R3HDM2: variants seen among roughly 807,000 people sequenced by gnomAD.
R3HDM2 encodes the protein R3H domain containing 2.
In R3HDM2, 38 loss-of-function variants were observed where a neutral mutation model predicts 124.5. That is an observed-to-expected ratio of 0.31 (90% CI 0.24 to 0.40). The LOEUF is 0.40. R3HDM2 is among the 10% of genes least tolerant of loss of function. The pLI, the probability that R3HDM2 is intolerant of heterozygous loss-of-function variation, is 1.00. For missense variants in R3HDM2, 869 were observed against 1,236.9 expected (o/e 0.70, Z 4.46); for synonymous variants, 391 against 448.0 (o/e 0.87, Z 1.61).
At chr12:57,366,939 T>G (rs1017378453) in intron 2 of R3HDM2, among the ~76,000 whole-genome samples, 1 of 152,014 alleles carries the variant, frequency 6.6e-6, no homozygotes, top group African/African-American at 2.4e-5. Context: ...CGCCCGCCTT[T>G]GCCTCCCAAA....
At chr12:57,315,898 T>C (rs905740106) in intron 2 of R3HDM2, among the ~76,000 whole-genome samples, 1 of 152,166 alleles carries the variant, frequency 6.6e-6, no homozygotes, top group Non-Finnish European at 1.5e-5. Flanking sequence ...GGCAGGTGAA[T>C]TGCTCAAGCT....
rs1292787192 is a variant in R3HDM2, at chr12:57,296,296, GT to G, written c.701+114del. On this transcript the variant is annotated intron_variant, in intron 9 of 23. Coordinates refer to ENST00000402412, the MANE Select transcript of R3HDM2 (RefSeq NM_001394031.1). The surrounding 1 kb of genome is among the most constrained non-coding windows in gnomAD (Gnocchi z 4.5). ...GCCTCCCAAAGTGCTGGGATTACAG[GT>G]GTGAGCCACCACGCCTGGCCATCTG... is the stretch of plus-strand genomic sequence containing the variant. 23 of 1,238,814 alleles carry G rather than the reference GT, an allele frequency of 1.9e-5. No individual in the cohort carries two copies. Among genetic ancestry groups the G allele is most frequent in the Non-Finnish European group, 2.3e-5 (20 of 884,690 alleles). The allele number at this position is 1,238,814 out of a possible 1,614,324, so 76.7% of individuals were successfully genotyped here.
intron 2 of R3HDM2, among the ~76,000 whole-genome samples, chr12:57,385,917 T>C (rs530368443): frequency 1.3e-5 from 2 of 152,278 alleles, no homozygotes; most frequent in Non-Finnish European, 2.9e-5. Flanking sequence ...CTCATGGGTG[T>C]ATGGTAGCAT....
chr12:57,281,287 C>CA (rs71084737), intron 13 of R3HDM2, among the ~76,000 whole-genome samples: 30,983 of 81,776 alleles, frequency 0.38, 5,372 homozygotes, highest in Middle Eastern at 0.5. Context: ...GACTCGGTCT[C>CA]AAAAAAAAAA....
intron 2 of R3HDM2, among the ~76,000 whole-genome samples, chr12:57,325,852 C>CT (rs143909233): frequency 0.076 from 11,299 of 148,428 alleles, 762 homozygotes; most frequent in African/African-American, 0.19. Flanking sequence ...TTTTTCTTTT[C>CT]TTTTTTTTTT....
intron 2 of R3HDM2, among the ~76,000 whole-genome samples, chr12:57,386,169 C>G (rs2065723653): frequency 6.6e-6 from 1 of 152,276 alleles, no homozygotes; most frequent in African/African-American, 2.4e-5. Flanking sequence ...GCAGCCCTCC[C>G]TCGCTCTGGG....
intron 1 of R3HDM2, among the ~76,000 whole-genome samples, chr12:57,415,071 A>G (rs1482155498): frequency 6.6e-6 from 1 of 152,164 alleles, no homozygotes; most frequent in Admixed American, 6.6e-5. Flanking sequence ...AGCCCCTTCG[A>G]ATCAAATTTA....
At chr12:57,310,194 A>G (rs1466030961) in intron 3 of R3HDM2, 70 bp downstream of exon 3, 1 of 1,189,500 alleles carries the variant, frequency 8.4e-7, no homozygotes, top group East Asian at 2.8e-5. Context: ...TGGGTAACAG[A>G]CAGAGCTGGG....
intron 2 of R3HDM2, among the ~76,000 whole-genome samples, chr12:57,372,320 A>G (rs1175445434): frequency 6.6e-6 from 1 of 152,178 alleles, no homozygotes; most frequent in African/African-American, 2.4e-5. Context: ...GCTCCCAACA[A>G]TGATAAATAA....
intron 21 of R3HDM2, among the ~76,000 whole-genome samples, chr12:57,257,704 C>A (rs1240281120): frequency 6.6e-6 from 1 of 152,164 alleles, no homozygotes; most frequent in East Asian, 1.9e-4. Context: ...AGGTTAAACT[C>A]TTTGGTCATT....
chr12:57,371,829 G>A (rs1053104344), intron 2 of R3HDM2, among the ~76,000 whole-genome samples: 17 of 152,108 alleles, frequency 1.1e-4, no homozygotes, highest in African/African-American at 2.2e-4. Flanking sequence ...CCAAAAGTCC[G>A]AATGATTTTA....
At chr12:57,284,339 AT>A (rs1238185267) in intron 12 of R3HDM2, among the ~76,000 whole-genome samples, 2 of 152,244 alleles carry the variant, frequency 1.3e-5, no homozygotes, top group African/African-American at 2.4e-5. Context: ...CATATACATG[AT>A]GCTGAGATTG....
In R3HDM2 at chr12:57,275,133, G is replaced by A. The variant is rs137940174; in HGVS notation, c.1345-5139C>T. 2.1e-3 allele frequency among the ~76,000 whole-genome samples: 321 copies of A among 152,248 alleles called. 9 individuals are homozygous for A. In the East Asian group the frequency reaches 0.05, roughly 24 times the overall value. On this transcript the variant is annotated intron_variant, in intron 14 of 23. Transcript: ENST00000402412. ...TATAAAAATAGGCACATAGACCAAT[G>A]GAACAGAATACAGAACCCAGAAATA...
chr12:57,370,157 G>A (rs2063143482), intron 2 of R3HDM2, among the ~76,000 whole-genome samples: 1 of 152,132 alleles, frequency 6.6e-6, no homozygotes, highest in Admixed American at 6.6e-5. Context: ...GATCACGGGG[G>A]CGGTTCCCCC....
chr12:57,288,155 A>G (rs12815142), intron 12 of R3HDM2, among the ~76,000 whole-genome samples: 1 of 150,792 alleles, frequency 6.6e-6, no homozygotes, highest in Non-Finnish European at 1.5e-5. Context: ...AGAGGCACCC[A>G]CCACCACGCC....
rs1301638198 is a variant in R3HDM2, at chr12:57,295,609, T to A, written c.702-102A>T. ...CTCTCCTAAATTACACAACTCACAC[T>A]CAGGGAATTTCTGGAGTAAGGAATC... On this transcript the variant is annotated intron_variant, in intron 9 of 23. Transcript: ENST00000402412. 147 of 758,072 alleles carry A rather than the reference T, an allele frequency of 1.9e-4. No homozygotes were observed. In the East Asian group the frequency reaches 4.0e-3, roughly 20 times the overall value. The allele number at this position is 758,072 out of a possible 1,614,324, so 47.0% of individuals were successfully genotyped here.
intron 2 of R3HDM2, among the ~76,000 whole-genome samples, chr12:57,360,745 G>A (rs1007475241): frequency 6.6e-6 from 1 of 152,164 alleles, no homozygotes; most frequent in Non-Finnish European, 1.5e-5. Context: ...CTTTTATATG[G>A]ATGCAGGATT....
Position 57,347,062 on chromosome 12 carries a change from T to C in R3HDM2, c.-35-36599A>G, listed in dbSNP as rs548519192. On this transcript the variant is annotated intron_variant, in intron 2 of 23. Coordinates refer to ENST00000402412, the MANE Select transcript of R3HDM2 (RefSeq NM_001394031.1). ...GAGTTCAAGACAAGCCTGGTCAACATAGCGAGACCCTATCTGTACAAAAAA... is the reference window on the plus strand; with the variant it reads ...GAGTTCAAGACAAGCCTGGTCAACACAGCGAGACCCTATCTGTACAAAAAA... Among the ~76,000 whole-genome samples the C allele has an allele frequency of 1.5e-3, 221 of 152,162 alleles. 1 individual carries two copies. The highest frequency in any genetic ancestry group is 5.0e-3 in the African/African-American group (206 of 41,506).
chr12:57,260,263 CAA>C (rs566868060), intron 19 of R3HDM2, among the ~76,000 whole-genome samples: 67 of 31,554 alleles, frequency 2.1e-3, no homozygotes, highest in African/African-American at 5.1e-3. Flanking sequence ...GACCCTGCCT[CAA>C]AAAAAAAAAA....
Sources: allele counts gnomAD v4.1 joint callset (sites outside exome capture counted in the v4.1 genomes callset), GRCh38; gene constraint gnomAD v4.1.1; non-coding constraint Gnocchi (gnomAD v3.1); transcripts MANE v1.5; gene names NCBI Gene and HGNC (gene_info 2026-07-23, HGNC 2026-07-21).